Variants in RGS9 observed in about 807,000 individuals in gnomAD.
RGS9 encodes the protein regulator of G protein signaling 9.
In RGS9, 78 loss-of-function variants were observed where a neutral mutation model predicts 102.0. The ratio of observed to expected loss-of-function variants is 0.76; its 90% confidence interval spans 0.64 to 0.92. The LOEUF (loss-of-function observed/expected upper bound fraction) is 0.92. Among genes scored for constraint, RGS9 ranks in the 40% least tolerant of loss-of-function variants. RGS9 has a pLI of 0.00. For missense variants in RGS9, 833 were observed against 866.1 expected (o/e 0.96, Z 0.48); for synonymous variants, 353 against 318.6 (o/e 1.11, Z -1.15).
chr17:65,203,704 G>T (rs1251158475), intron 14 of RGS9, among the ~76,000 whole-genome samples: 1 of 152,138 alleles, frequency 6.6e-6, no homozygotes, highest in Non-Finnish European at 1.5e-5. Flanking sequence ...GGGACTATGG[G>T]CTGCCTCTCG....
chr17:65,157,811 G>T (rs998997154), intron 2 of RGS9, among the ~76,000 whole-genome samples: 1 of 151,330 alleles, frequency 6.6e-6, no homozygotes, highest in Non-Finnish European at 1.5e-5. Context: ...GCCGGCCCCA[G>T]CCCTCAGCCT....
chr17:65,216,561 C>T (rs999209876), intron 17 of RGS9, among the ~76,000 whole-genome samples: 2 of 152,132 alleles, frequency 1.3e-5, no homozygotes, highest in Non-Finnish European at 2.9e-5. Context: ...CGCTTGAACC[C>T]GGGAGGCAGA....
chr17:65,183,177 C>A (rs555688075), intron 9 of RGS9, among the ~76,000 whole-genome samples: 1 of 152,248 alleles, frequency 6.6e-6, no homozygotes, highest in East Asian at 1.9e-4. Context: ...GGCATGAGTG[C>A]AGTGGCACAA....
At chr17:65,146,076 G>T (rs419526) in intron 1 of RGS9, among the ~76,000 whole-genome samples, 22,131 of 151,844 alleles carry the variant, frequency 0.15, 1,909 homozygotes, top group Middle Eastern at 0.31. Context: ...TTTATAACTC[G>T]ATTTTTTTTT....
chr17:65,223,752 C>A (rs1905470869), intron 17 of RGS9, among the ~76,000 whole-genome samples: 1 of 137,594 alleles, frequency 7.3e-6, no homozygotes, highest in Non-Finnish European at 1.6e-5. Context: ...TCATGCCAGG[C>A]TTTTTTTTTT....
At chr17:65,172,598 T>C (rs1911461871) in intron 8 of RGS9, among the ~76,000 whole-genome samples, 1 of 152,214 alleles carries the variant, frequency 6.6e-6, no homozygotes, top group African/African-American at 2.4e-5. Context: ...GAATATCTGC[T>C]CTATGCCGGG....
intron 13 of RGS9, among the ~76,000 whole-genome samples, chr17:65,201,046 G>A (rs1598610766): frequency 6.6e-6 from 1 of 152,022 alleles, no homozygotes; most frequent in African/African-American, 2.4e-5. Flanking sequence ...ACTGAGAAAA[G>A]AGAGGAGAGG....
chr17:65,212,973 A>AGAAT (rs997570982), intron 17 of RGS9, among the ~76,000 whole-genome samples: 4 of 152,220 alleles, frequency 2.6e-5, no homozygotes, highest in Non-Finnish European at 5.9e-5. Context: ...AATGAATGAA[A>AGAAT]GAATGAATGA....
intron 18 of RGS9, among the ~76,000 whole-genome samples, chr17:65,226,736 C>T (rs1336161190): frequency 1.3e-5 from 2 of 152,042 alleles, no homozygotes; most frequent in Admixed American, 1.3e-4. Context: ...CCTCAGCCTC[C>T]CAGGTAGCTG....
chr17:65,195,469 G>A (rs948353339), intron 12 of RGS9, among the ~76,000 whole-genome samples: 9 of 151,970 alleles, frequency 5.9e-5, no homozygotes, highest in Non-Finnish European at 1.2e-4. Flanking sequence ...ACACATATAT[G>A]TATTTGTAAG....
chr17:65,187,769 G>A (rs1318763452), intron 9 of RGS9, among the ~76,000 whole-genome samples: 5 of 152,160 alleles, frequency 3.3e-5, no homozygotes, highest in African/African-American at 7.2e-5. Context: ...AGGCCAAGGC[G>A]GGCGGATCAC....
intron 2 of RGS9, among the ~76,000 whole-genome samples, chr17:65,153,904 A>T (rs923118582): frequency 6.6e-6 from 1 of 151,654 alleles, no homozygotes; most frequent in Non-Finnish European, 1.5e-5. Flanking sequence ...AAAACAAAAC[A>T]AAACAAAACA....
At chr17:65,177,704 G>T (rs866275511) in intron 8 of RGS9, 28 bp from the exon 9 acceptor site, 4 of 1,606,594 alleles carry the variant, frequency 2.5e-6, no homozygotes, top group Middle Eastern at 3.3e-4. Context: ...TCCCTGTAAT[G>T]ACCTTATGTT....
chr17:65,211,230 C>A (rs1445360836), intron 17 of RGS9, among the ~76,000 whole-genome samples: 3 of 152,206 alleles, frequency 2.0e-5, no homozygotes, highest in African/African-American at 7.2e-5. Context: ...CAGGGAAGTA[C>A]TTTCTCTGAA....
In RGS9 at chr17:65,225,510, C is replaced by T. The variant is rs1463895247; in HGVS notation, c.1892+24C>T. 11 of 1,599,430 alleles carry T rather than the reference C, an allele frequency of 6.9e-6. No individual in the cohort carries two copies. In the East Asian group the frequency reaches 8.9e-5, roughly 13 times the overall value. ...AAGTAAGAACCCGAAGGGGACGTGCCGTATGCATGGGTGGCTGTGGGTGTG... is the reference window on the plus strand; with the variant it reads ...AAGTAAGAACCCGAAGGGGACGTGCTGTATGCATGGGTGGCTGTGGGTGTG... On this transcript the variant is annotated intron_variant, in intron 18 of 18. Coordinates refer to ENST00000262406, the MANE Select transcript of RGS9 (RefSeq NM_003835.4).
chr17:65,158,607 G>A (rs952473099), intron 3 of RGS9: 2 of 538,638 alleles, frequency 3.7e-6, no homozygotes, highest in Admixed American at 3.0e-5. Flanking sequence ...TGGAGGGGGT[G>A]CTGTGTATAG....
chr17:65,201,462 C>G (rs1054126624), intron 13 of RGS9, among the ~76,000 whole-genome samples: 1 of 152,154 alleles, frequency 6.6e-6, no homozygotes, highest in Non-Finnish European at 1.5e-5. Flanking sequence ...CACAGCCAAA[C>G]AAAGGAGGAA....
intron 2 of RGS9, among the ~76,000 whole-genome samples, chr17:65,157,919 ATG>A (rs149306337): frequency 1.3e-5 from 2 of 150,574 alleles, no homozygotes; most frequent in Admixed American, 6.6e-5. Context: ...GTGTGTGTGT[ATG>A]TGTGTGTGTG....
At chr17:65,224,340 A>G (rs1905518306) in intron 17 of RGS9, among the ~76,000 whole-genome samples, 1 of 152,150 alleles carries the variant, frequency 6.6e-6, no homozygotes, top group Non-Finnish European at 1.5e-5. Flanking sequence ...CTCGCCATGT[A>G]TTCCTGTTTC....
Sources: allele counts gnomAD v4.1 joint callset (sites outside exome capture counted in the v4.1 genomes callset), GRCh38; gene constraint gnomAD v4.1.1; transcripts MANE v1.5; gene names NCBI Gene and HGNC (gene_info 2026-07-23, HGNC 2026-07-21).